Variants in SLC1A1 observed in about 807,000 individuals in gnomAD.
The protein encoded by SLC1A1 is solute carrier family 1 member 1, also known as excitatory amino acid transporter 3.
Under a neutral mutation model 53.3 loss-of-function variants are expected in SLC1A1, and 43 were observed. The ratio of observed to expected loss-of-function variants is 0.81; its 90% CI spans 0.63 to 1.04. The LOEUF is 1.04. Among genes scored for constraint, SLC1A1 ranks in the 50% least tolerant of loss-of-function variants. SLC1A1 has a pLI of 0.00. For synonymous variants in SLC1A1, 307 were observed against 243.2 expected (o/e 1.26, Z -2.44); for missense variants, 748 against 664.9 (o/e 1.12, Z -1.37).
intron 1 of SLC1A1, among the ~76,000 whole-genome samples, chr9:4,493,699 T>C (rs528901431): frequency 1.3e-5 from 2 of 152,218 alleles, no homozygotes; most frequent in African/African-American, 2.4e-5. Context: ...GTTCAGGAGT[T>C]TGAGACCAGC....
Position 4,585,783 on chromosome 9 carries a change from A to C in SLC1A1, c.*225A>C. ...GGAAATCAATTTAAAGGAAAGTTCT[A>C]TTATCTGGGTTTTAGAAATTCTATA... On this transcript the variant is annotated 3_prime_UTR_variant, in exon 12 of 12. Coordinates refer to ENST00000262352, the MANE Select transcript of SLC1A1 (RefSeq NM_004170.6). 1 of 567,284 alleles carries C rather than the reference A, an allele frequency of 1.8e-6. No homozygotes were observed. Among genetic ancestry groups the C allele is most frequent in the Non-Finnish European group, 3.1e-6 (1 of 320,130 alleles). 35.1% of individuals were successfully genotyped at this position (567,284 alleles called of 1,614,324 possible).
At chr9:4,528,733 A>T (rs1816357916) in intron 1 of SLC1A1, among the ~76,000 whole-genome samples, 1 of 152,152 alleles carries the variant, frequency 6.6e-6, no homozygotes, top group Non-Finnish European at 1.5e-5. Context: ...TTAACAGTAC[A>T]TGCTTCTCAG....
chr9:4,534,475 A>G (rs1236266496), intron 1 of SLC1A1, among the ~76,000 whole-genome samples: 1 of 152,206 alleles, frequency 6.6e-6, no homozygotes, highest in Non-Finnish European at 1.5e-5. Context: ...AAATGGATAA[A>G]TTCCTGGACA....
chr9:4,576,155 T>C, intron 9 of SLC1A1, 32 bp downstream of exon 9: 1 of 1,607,848 alleles, frequency 6.2e-7, no homozygotes, highest in South Asian at 1.1e-5. Context: ...GGAAGAAGCC[T>C]CCAGGCTCAA....
intron 1 of SLC1A1, among the ~76,000 whole-genome samples, chr9:4,491,490 A>T (rs564925952): frequency 6.6e-6 from 1 of 152,192 alleles, no homozygotes; most frequent in Non-Finnish European, 1.5e-5. Context: ...TTTTGTATTT[A>T]AGATAATGTT....
intron 1 of SLC1A1, among the ~76,000 whole-genome samples, chr9:4,498,969 GTATATATAATCTTATATAT>G (rs542692366): frequency 0.023 from 3,150 of 139,900 alleles, 105 homozygotes; most frequent in African/African-American, 0.079. Flanking sequence ...TATTATATAT[GTATATATAATCTTATATAT>G]TATATATAAG....
At chr9:4,501,377 C>A (rs542624655) in intron 1 of SLC1A1, among the ~76,000 whole-genome samples, 4 of 151,472 alleles carry the variant, frequency 2.6e-5, no homozygotes, top group Admixed American at 6.6e-5. Context: ...TCGGAAACAC[C>A]CTCAGAGAGG....
chr9:4,528,439 G>A (rs137964756), intron 1 of SLC1A1, among the ~76,000 whole-genome samples: 1,828 of 152,244 alleles, frequency 0.012, 26 homozygotes, highest in Middle Eastern at 0.031. Context: ...AGCTGGGCAT[G>A]GTGGCCGGTG....
chr9:4,505,639 C>CTTT (rs1355097361), intron 1 of SLC1A1, among the ~76,000 whole-genome samples: 1 of 152,000 alleles, frequency 6.6e-6, no homozygotes, highest in Non-Finnish European at 1.5e-5. Flanking sequence ...CTGTGAAATT[C>CTTT]TTTGTTGTTG....
intron 5 of SLC1A1, among the ~76,000 whole-genome samples, chr9:4,567,127 C>G (rs1819563961): frequency 6.6e-6 from 1 of 152,146 alleles, no homozygotes; most frequent in Non-Finnish European, 1.5e-5. Flanking sequence ...TCCACAGAAC[C>G]AAACAGGGCT....
At chr9:4,558,859 A>G (rs539993329) in intron 2 of SLC1A1, among the ~76,000 whole-genome samples, 3 of 152,280 alleles carry the variant, frequency 2.0e-5, no homozygotes, top group South Asian at 2.1e-4. Context: ...TAGATCCCAT[A>G]TTAGGGCTAC....
intron 2 of SLC1A1, among the ~76,000 whole-genome samples, chr9:4,545,817 T>C (rs1257471106): frequency 6.6e-6 from 1 of 152,200 alleles, no homozygotes; most frequent in Admixed American, 6.5e-5. Flanking sequence ...AGAGATGAAT[T>C]TGGTTTACAA....
intron 1 of SLC1A1, among the ~76,000 whole-genome samples, chr9:4,534,289 A>T (rs1816590783): frequency 1.3e-5 from 2 of 152,208 alleles, no homozygotes; most frequent in Non-Finnish European, 2.9e-5. Flanking sequence ...TTTTGAAAAG[A>T]TCAACAAAAT....
intron 2 of SLC1A1, among the ~76,000 whole-genome samples, chr9:4,550,274 TAAAAAACAAA>T (rs1302783136): frequency 7.2e-5 from 11 of 152,164 alleles, no homozygotes; most frequent in Non-Finnish European, 1.5e-4. Context: ...TTGGAAGATT[TAAAAAACAAA>T]AAATGCTCCA....
At chr9:4,511,716 C>T (rs1821007612) in intron 1 of SLC1A1, among the ~76,000 whole-genome samples, 1 of 151,974 alleles carries the variant, frequency 6.6e-6, no homozygotes, top group South Asian at 2.1e-4. Context: ...TCACTGGAAA[C>T]CTGGGCCAGT....
intron 1 of SLC1A1, among the ~76,000 whole-genome samples, chr9:4,543,271 T>C (rs1817170755): frequency 6.6e-6 from 1 of 152,236 alleles, no homozygotes; most frequent in Non-Finnish European, 1.5e-5. Flanking sequence ...GATATCCTCC[T>C]TGAATCTTTC....
chr9:4,505,064 T>TTTTG (rs1820756025), intron 1 of SLC1A1, among the ~76,000 whole-genome samples: 1 of 148,992 alleles, frequency 6.7e-6, no homozygotes, highest in South Asian at 2.1e-4. Flanking sequence ...TTTTTTTTTT[T>TTTTG]GAGATACAGC....
At chr9:4,529,203 C>G (rs148700064) in intron 1 of SLC1A1, among the ~76,000 whole-genome samples, 1 of 152,286 alleles carries the variant, frequency 6.6e-6, no homozygotes, top group Non-Finnish European at 1.5e-5. Context: ...GTAAATCCTC[C>G]AGAGGCTTCC....
At chr9:4,581,049 C>G (rs1441863319) in intron 10 of SLC1A1, among the ~76,000 whole-genome samples, 1 of 152,184 alleles carries the variant, frequency 6.6e-6, no homozygotes, top group Non-Finnish European at 1.5e-5. Context: ...CTCATTTAAT[C>G]TTCCCAGCAG....
Sources: allele counts gnomAD v4.1 joint callset (sites outside exome capture counted in the v4.1 genomes callset), GRCh38; gene constraint gnomAD v4.1.1; transcripts MANE v1.5; gene names NCBI Gene and HGNC (gene_info 2026-07-23, HGNC 2026-07-21).